Variants in ABHD2 observed in about 807,000 individuals in gnomAD.
ABHD2 encodes monoacylglycerol lipase ABHD2.
In ABHD2, 20 loss-of-function variants were observed where a neutral mutation model predicts 48.1. That is an observed-to-expected ratio of 0.42 (90% CI 0.29 to 0.60). The LOEUF (loss-of-function observed/expected upper bound fraction) is 0.60. Ranked by LOEUF, ABHD2 falls within the 20% of genes least tolerant of loss-of-function variation. ABHD2 has a pLI of 0.24. For missense variants in ABHD2, 405 were observed against 550.9 expected (o/e 0.74, Z 2.65); for synonymous variants, 209 against 214.2 (o/e 0.98, Z 0.21).
the ABHD2 span, among the ~76,000 whole-genome samples, chr15:89,059,799 T>C: frequency 1.3e-5 from 2 of 152,232 alleles, no homozygotes; most frequent in East Asian, 3.9e-4. Context: ...AATGGGAAAC[T>C]TGAGTCTCCT....
chr15:89,083,102 G>A (rs575665666), upstream of ABHD2, among the ~76,000 whole-genome samples: 2 of 152,146 alleles, frequency 1.3e-5, no homozygotes, highest in African/African-American at 2.4e-5. The surrounding 1 kb of genome is among the most constrained non-coding windows in gnomAD (Gnocchi z 5.1). Flanking sequence ...TGATCCACCC[G>A]CCTGGGCCTC....
the ABHD2 span, among the ~76,000 whole-genome samples, chr15:89,047,262 T>C: frequency 2.0e-4 from 30 of 151,290 alleles, no homozygotes; most frequent in Non-Finnish European, 2.1e-4. Flanking sequence ...GTCTGAGAGA[T>C]AGTTTGTTAT....
chr15:89,139,040 A>G (rs2050361981), intron 3 of ABHD2, among the ~76,000 whole-genome samples: 1 of 146,540 alleles, frequency 6.8e-6, no homozygotes, highest in African/African-American at 2.7e-5. Context: ...ACATAGCAAG[A>G]CCCTGTCTCT....
chr15:89,149,605 A>C (rs1013182176), intron 3 of ABHD2, among the ~76,000 whole-genome samples: 14 of 152,330 alleles, frequency 9.2e-5, no homozygotes, highest in Non-Finnish European at 2.1e-4. Flanking sequence ...CAACCCCCCC[A>C]GCAACCTGAC....
the ABHD2 span, among the ~76,000 whole-genome samples, chr15:89,051,066 C>T: frequency 6.6e-6 from 1 of 152,162 alleles, no homozygotes; most frequent in Non-Finnish European, 1.5e-5. Flanking sequence ...AACCCCATCT[C>T]TACTAAAAAT....
upstream of ABHD2, among the ~76,000 whole-genome samples, chr15:89,085,134 G>C (rs916942312): frequency 1.3e-5 from 2 of 152,148 alleles, no homozygotes; most frequent in Non-Finnish European, 2.9e-5. This position sits in a 1 kb window ranked among gnomAD's most constrained non-coding sequence, Gnocchi z 4.2. Flanking sequence ...AAATCCTGCA[G>C]AGGCCCCAGT....
In ABHD2 at chr15:89,179,314, T is replaced by C. The variant is rs2051069225; in HGVS notation, c.722+3319T>C. On this transcript the variant is annotated intron_variant, in intron 6 of 10. Coordinates refer to ENST00000352732, the MANE Select transcript of ABHD2 (RefSeq NM_152924.5). The surrounding 1 kb of genome is among the most constrained non-coding windows in gnomAD (Gnocchi z 4.3). ...AGTGGGCAAAGCAGTAGGGAAGCAG[T>C]GGGTGAACCTTCATCTGTATTTAGT... is the stretch of plus-strand genomic sequence containing the variant. Among the ~76,000 whole-genome samples, 1 of 152,194 alleles carries C rather than the reference T, an allele frequency of 6.6e-6. No homozygotes were observed. The highest frequency in any genetic ancestry group is 1.5e-5 in the Non-Finnish European group (1 of 68,032).
At chr15:89,081,266 T>C in the ABHD2 span, among the ~76,000 whole-genome samples, 1 of 151,314 alleles carries the variant, frequency 6.6e-6, no homozygotes, top group Non-Finnish European at 1.5e-5. Flanking sequence ...GCAATCCTCT[T>C]GCCTCTGCCT....
the ABHD2 span, among the ~76,000 whole-genome samples, chr15:89,078,755 A>G: frequency 2.8e-5 from 4 of 141,630 alleles, no homozygotes; most frequent in African/African-American, 7.9e-5. Flanking sequence ...TTTTCTTGTG[A>G]GACAGAGTCT....
chr15:89,044,289 A>G, the ABHD2 span, among the ~76,000 whole-genome samples: 3 of 152,158 alleles, frequency 2.0e-5, no homozygotes, highest in Non-Finnish European at 4.4e-5. Flanking sequence ...ACATTTTCTT[A>G]ATCCAGTCTA....
At chr15:89,140,983 T>G (rs2150866867) in intron 3 of ABHD2, among the ~76,000 whole-genome samples, 1 of 151,982 alleles carries the variant, frequency 6.6e-6, no homozygotes, top group Non-Finnish European at 1.5e-5. Context: ...TTTTTTTTTT[T>G]TGTTGGACAG....
At chr15:89,123,173 A>G (rs560749988) in intron 3 of ABHD2, among the ~76,000 whole-genome samples, 2 of 152,330 alleles carry the variant, frequency 1.3e-5, no homozygotes, top group African/African-American at 2.4e-5. Context: ...TGGCTCTCCT[A>G]TGCCATGGTG....
At chr15:89,111,781 G>T (rs1331057657) in intron 1 of ABHD2, among the ~76,000 whole-genome samples, 3 of 152,216 alleles carry the variant, frequency 2.0e-5, no homozygotes, top group Non-Finnish European at 4.4e-5. Context: ...TATAGATTCA[G>T]TAAGGGTGTT....
At chr15:89,183,384 A>AAAAAATATATATATAT (rs61602174) in intron 6 of ABHD2, 31 of 46,258 alleles carry the variant, frequency 6.7e-4, no homozygotes, top group Non-Finnish European at 1.1e-3. Flanking sequence ...AAAAAAAAAA[A>AAAAAATATATATATAT]ATATATATAT....
intron 1 of ABHD2, among the ~76,000 whole-genome samples, chr15:89,108,028 C>T (rs1017508278): frequency 6.6e-6 from 1 of 152,160 alleles, no homozygotes; most frequent in Non-Finnish European, 1.5e-5. Flanking sequence ...GTTAAGAAGT[C>T]ATCTGTGGGT....
In ABHD2 at chr15:89,184,790, C is replaced by T. The variant is rs773569956; in HGVS notation, c.723-634C>T. 3.3e-5 allele frequency among the ~76,000 whole-genome samples: 5 copies of T among 152,202 alleles called. No homozygotes were observed. Among genetic ancestry groups the T allele is most frequent in the Non-Finnish European group, 7.3e-5 (5 of 68,036 alleles). On this transcript the variant is annotated intron_variant, in intron 6 of 10. Transcript: ENST00000352732. The surrounding 1 kb of genome is among the most constrained non-coding windows in gnomAD (Gnocchi z 5.1). ...CACACACTAGTGTGCCAGTCACACA[C>T]TAGCCCTAGAGGCAGAAAGACACTT...
In ABHD2 at chr15:89,151,830, C is replaced by G. The variant is rs773606722; in HGVS notation, c.348C>G (p.Pro116=). The G allele has an allele frequency of 1.2e-6, 2 of 1,614,116 alleles. No individual in the cohort carries two copies. The highest frequency in any genetic ancestry group is 3.3e-4 in the Middle Eastern group (2 of 6,056). The change falls in exon 4 of 11, where the codon CCC becomes CCG. Residue 116 remains proline (P), a synonymous_variant. Transcript: ENST00000352732. This position sits in a 1 kb window ranked among gnomAD's most constrained non-coding sequence, Gnocchi z 4.7. The part of the protein sequence containing the change: ...GATSTFDLFE[P]LAEHCVGDDI... ...CTTCTACATTCGACCTCTTCGAGCC[C>G]TTGGCTGAGCACTGTGTTGGAGGTG... is the stretch of plus-strand genomic sequence containing the variant.
Position 89,183,382 on chromosome 15 carries a change from AAAATATATATATAT to A in ABHD2, c.723-2040_723-2027del, listed in dbSNP as rs1353960851. 1.1e-3 allele frequency: 61 copies of A among 55,560 alleles called. 1 individual carries two copies. Among genetic ancestry groups the A allele is most frequent in the Middle Eastern group, 0.011 (1 of 94 alleles). 3.4% of individuals were successfully genotyped at this position (55,560 alleles called of 1,614,324 possible). On this transcript the variant is annotated intron_variant, in intron 6 of 10. Transcript: ENST00000352732. ...TCAGTCCTTTTCAAAAAAAAAAAAAAAAATATATATATATATATATATATATATATATATGAGAT... is the reference window on the plus strand; with the variant it reads ...TCAGTCCTTTTCAAAAAAAAAAAAAAATATATATATATATATATATGAGAT...
At chr15:89,160,825 G>GTACA (rs2050751491) in intron 5 of ABHD2, among the ~76,000 whole-genome samples, 1 of 152,126 alleles carries the variant, frequency 6.6e-6, no homozygotes, top group Non-Finnish European at 1.5e-5. Context: ...ATTGGTCAAA[G>GTACA]TACAGTACAC....
Sources: allele counts gnomAD v4.1 joint callset (sites outside exome capture counted in the v4.1 genomes callset), GRCh38; gene constraint gnomAD v4.1.1; non-coding constraint Gnocchi (gnomAD v3.1); transcripts MANE v1.5; gene names NCBI Gene and HGNC (gene_info 2026-07-23, HGNC 2026-07-21).